Variants in ATP10B observed in about 807,000 individuals in gnomAD.
The protein encoded by ATP10B is phospholipid-transporting ATPase VB.
ATP10B carries 122 observed loss-of-function variants against 141.2 expected under a neutral mutation model. That is an observed-to-expected ratio of 0.86 (90% CI 0.75 to 1.00). The LOEUF is 1.00. ATP10B is among the 50% of genes least tolerant of loss of function. ATP10B has a pLI of 0.00. For synonymous variants in ATP10B, 685 were observed against 692.0 expected (o/e 0.99, Z 0.16); for missense variants, 1,876 against 1,825.3 (o/e 1.03, Z -0.51).
intron 2 of ATP10B, among the ~76,000 whole-genome samples, chr5:160,737,370 T>C (rs150858555): frequency 6.0e-4 from 91 of 152,316 alleles, no homozygotes; most frequent in Non-Finnish European, 8.8e-4. Context: ...CTTTCAAGAC[T>C]GTTATTCAAC....
intron 6 of ATP10B, among the ~76,000 whole-genome samples, chr5:160,681,029 T>C (rs1254979498): frequency 1.3e-5 from 2 of 152,152 alleles, no homozygotes; most frequent in East Asian, 3.8e-4. Context: ...ATGAAAAGGA[T>C]TGGTGAGAGC....
rs377241198 is a variant in ATP10B at position 160,620,714 on chromosome 5, G to C, written c.2049C>G (p.Ser683Arg). 9.1e-5 allele frequency: 147 copies of C among 1,614,088 alleles called. No individual in the cohort carries two copies. Among genetic ancestry groups the C allele is most frequent in the Non-Finnish European group, 1.1e-4 (134 of 1,180,034 alleles). ...DSTDDGGYRS[S>R]MWDQGDILES... The stretch of plus-strand genomic sequence containing the variant: ...CCAGGATGTCGCCCTGGTCCCACAT[G>C]CTGCTCCTGTAGCCACCGTCATCAG... The change falls in exon 15 of 26, where the codon AGC becomes AGG. Residue 683 changes from serine (S) to arginine (R), a missense_variant. Physicochemically the swap from Ser to Arg is moderately radical, Grantham distance 110 (BLOSUM62 -1). Transcript: ENST00000327245.
chr5:160,678,504 C>T (rs951970583), intron 6 of ATP10B, among the ~76,000 whole-genome samples: 2 of 152,088 alleles, frequency 1.3e-5, no homozygotes, highest in Admixed American at 1.3e-4. Flanking sequence ...ACTAAAAATA[C>T]AAAAATTACC....
rs116985198 is a variant in ATP10B at position 160,639,913 on chromosome 5, G to A, written c.1000+548C>T. 4.1e-4 allele frequency among the ~76,000 whole-genome samples: 62 copies of A among 152,342 alleles called. 1 individual carries two copies. In the East Asian group the frequency reaches 0.012, roughly 28 times the overall value. ...GTAGGGATAATGGGAGACAGCAACA[G>A]ATCATCAAGCATTTGATTCTCATAA... is the stretch of plus-strand genomic sequence containing the variant. On this transcript the variant is annotated intron_variant, in intron 10 of 25. Coordinates refer to ENST00000327245, the MANE Select transcript of ATP10B (RefSeq NM_025153.3).
the ATP10B span, among the ~76,000 whole-genome samples, chr5:160,867,814 T>G: frequency 6.6e-6 from 1 of 152,258 alleles, no homozygotes; most frequent in South Asian, 2.1e-4. Flanking sequence ...GAAACTGTTA[T>G]AAGAATATAG....
At chr5:160,796,817 G>A (rs776483492) in intron 1 of ATP10B, among the ~76,000 whole-genome samples, 1 of 152,088 alleles carries the variant, frequency 6.6e-6, no homozygotes, top group Non-Finnish European at 1.5e-5. Flanking sequence ...GGACAAGAAG[G>A]GAATCCAGAG....
At chr5:160,814,585 C>T (rs1051333411) in intron 1 of ATP10B, among the ~76,000 whole-genome samples, 5 of 151,006 alleles carry the variant, frequency 3.3e-5, no homozygotes, top group African/African-American at 1.2e-4. Flanking sequence ...AGGAGAACTT[C>T]CCCAATCTAG....
chr5:160,910,683 T>C, the ATP10B span, among the ~76,000 whole-genome samples: 13 of 152,318 alleles, frequency 8.5e-5, no homozygotes, highest in South Asian at 2.7e-3. Context: ...TTTTTGAGGC[T>C]ATGAAAAGGG....
At chr5:160,857,481 C>T in the ATP10B span, among the ~76,000 whole-genome samples, 1 of 151,692 alleles carries the variant, frequency 6.6e-6, no homozygotes, top group Non-Finnish European at 1.5e-5. Context: ...AAAGAACCAG[C>T]TCTTTGCTTT....
intron 13 of ATP10B, among the ~76,000 whole-genome samples, chr5:160,629,452 T>C (rs1364007419): frequency 6.6e-6 from 1 of 152,196 alleles, no homozygotes; most frequent in Non-Finnish European, 1.5e-5. Context: ...AGGGTCCCCA[T>C]CTTGGCTGCT....
chr5:160,632,169 C>G lies in ATP10B; in HGVS notation c.1580G>C (p.Arg527Pro), dbSNP rs202038314. ...GGCCACAGGAGGCTGTGAGCTTTCA[C>G]GGTGCCCCATAGACCTTTGCCGGTA... ...GHYRQRSMGH[R>P]ESSQPPVAFS... The change falls in exon 13 of 26, where the codon CGT becomes CCT. Residue 527 changes from arginine (R) to proline (P), a missense_variant. Physicochemically the swap from Arg to Pro is moderately radical, Grantham distance 103 (BLOSUM62 -2). Transcript: ENST00000327245. 1.2e-6 allele frequency: 2 copies of G among 1,613,998 alleles called. No individual in the cohort carries two copies. Among genetic ancestry groups the G allele is most frequent in the Non-Finnish European group, 1.7e-6 (2 of 1,179,970 alleles).
intron 8 of ATP10B, among the ~76,000 whole-genome samples, chr5:160,648,571 A>G (rs1760463519): frequency 6.6e-6 from 1 of 152,232 alleles, no homozygotes. Context: ...AGGAATAAGA[A>G]TAACAATTAT....
chr5:160,697,347 G>A (rs1764428121), intron 3 of ATP10B, among the ~76,000 whole-genome samples: 1 of 152,134 alleles, frequency 6.6e-6, no homozygotes, highest in Non-Finnish European at 1.5e-5. Context: ...AGTTTGGATA[G>A]GCTAGAAGAC....
chr5:160,695,508 G>A (rs1246623984), intron 3 of ATP10B, among the ~76,000 whole-genome samples: 1 of 151,702 alleles, frequency 6.6e-6, no homozygotes, highest in Admixed American at 6.6e-5. Context: ...GTGTGTGTGT[G>A]TGTGTGTGTG....
chr5:160,699,427 A>G (rs778841878), intron 3 of ATP10B, among the ~76,000 whole-genome samples: 6 of 152,218 alleles, frequency 3.9e-5, no homozygotes, highest in Non-Finnish European at 8.8e-5. Flanking sequence ...ATGAAGCTGA[A>G]AGCAATTAAA....
At position 160,569,594 on chromosome 5, in the gene ATP10B, G is replaced by A. The variant is rs1265575696; in HGVS notation, c.3840C>T (p.Asn1280=). ...LLYNATCVIC[N]SPTNPYWVME... Reference sequence around the variant, plus strand: ...TCACCCAATAGGGATTGGTGGGGCTGTTGCAGATGACGCAGGTGGCATTGT... The same window carrying A: ...TCACCCAATAGGGATTGGTGGGGCTATTGCAGATGACGCAGGTGGCATTGT... The change falls in exon 25 of 26, where the codon AAC becomes AAT. Residue 1280 remains asparagine, a synonymous_variant. Transcript: ENST00000327245. 2 of 1,613,758 alleles carry A rather than the reference G, an allele frequency of 1.2e-6. No homozygotes were observed. Among genetic ancestry groups the A allele is most frequent in the Admixed American group, 3.3e-5 (2 of 59,978 alleles).
In ATP10B at chr5:160,563,760, G is replaced by A. The variant is rs1163312857; in HGVS notation, c.*1693C>T. The A allele has an allele frequency of 3.3e-5, 5 of 152,162 alleles. No individual in the cohort carries two copies. The highest frequency in any genetic ancestry group is 9.6e-5 in the African/African-American group (4 of 41,522). 9.4% of individuals were successfully genotyped at this position (152,162 alleles called of 1,614,324 possible). On this transcript the variant is annotated 3_prime_UTR_variant, in exon 26 of 26. Coordinates refer to ENST00000327245, the MANE Select transcript of ATP10B (RefSeq NM_025153.3). ...CTTTTAGTAGTAGCCAGAAATTGGG[G>A]GAAAAATTGAGGTACCTGAGATCCA...
chr5:160,636,440 T>A, intron 10 of ATP10B, 131 bp from the exon 11 acceptor site: 1 of 930,122 alleles, frequency 1.1e-6, no homozygotes. Context: ...CCATACAATG[T>A]AGCTCTGTGT....
At chr5:160,631,224 G>A (rs1758918053) in intron 13 of ATP10B, among the ~76,000 whole-genome samples, 1 of 152,242 alleles carries the variant, frequency 6.6e-6, no homozygotes. Context: ...TTGTGCAAGT[G>A]CAGAGATTCC....
Sources: gnomAD v4.1 joint callset for allele counts (sites outside exome capture counted in the v4.1 genomes callset) on GRCh38, gnomAD v4.1.1 for gene constraint, MANE v1.5 for transcripts, NCBI Gene and HGNC (gene_info 2026-07-23, HGNC 2026-07-21) for gene names.